The following CTNNA2 variants were observed in gnomAD, a reference collection of about 807,000 sequenced individuals.
CTNNA2 encodes the protein catenin alpha 2, also known as catenin alpha-2.
A neutral mutation model predicts 101.0 loss-of-function variants in CTNNA2; 42 were observed. That is an observed-to-expected ratio of 0.42 (90% confidence interval 0.32 to 0.54). The LOEUF (loss-of-function observed/expected upper bound fraction) is 0.54, where lower values mean the gene tolerates loss of function less well. Among genes scored for constraint, CTNNA2 ranks in the 20% least tolerant of loss-of-function variants. The pLI, the probability that CTNNA2 is intolerant of heterozygous loss-of-function variation, is 0.14. For missense variants in CTNNA2, 871 were observed against 1,223.1 expected, an observed-to-expected ratio of 0.71 and a Z score of 4.29; for synonymous variants, 450 against 456.4, an observed-to-expected ratio of 0.99 and a Z score of 0.18.
intron 4 of CTNNA2, among the ~76,000 whole-genome samples, chr2:79,399,074 C>T (rs1230139428): frequency 6.6e-6 from 1 of 152,102 alleles, no homozygotes; most frequent in Non-Finnish European, 1.5e-5. Flanking sequence ...TTTATGACAG[C>T]TCACTGTCTT....
At chr2:79,744,305 G>T in intron 2 of CTNNA2, 82 bp from the exon 3 acceptor site, 1 of 1,322,742 alleles carries the variant, frequency 7.6e-7, no homozygotes, top group Non-Finnish European at 1.0e-6. Flanking sequence ...TAATAAACAC[G>T]GAGATTTAGA....
intron 7 of CTNNA2, among the ~76,000 whole-genome samples, chr2:79,985,057 T>C (rs1361728913): frequency 6.6e-6 from 1 of 152,206 alleles, no homozygotes; most frequent in Non-Finnish European, 1.5e-5. Context: ...GTTTACCTTC[T>C]GGCTCTTAAC....
intron 15 of CTNNA2, among the ~76,000 whole-genome samples, chr2:80,596,272 C>G (rs1696946082): frequency 1.5e-5 from 1 of 66,632 alleles, no homozygotes; most frequent in African/African-American, 5.5e-5. Flanking sequence ...TGGGCTGAGA[C>G]AAGGTTGTTT....
At chr2:79,721,872 A>G (rs1204321900) in intron 2 of CTNNA2, among the ~76,000 whole-genome samples, 1 of 152,202 alleles carries the variant, frequency 6.6e-6, no homozygotes, top group Non-Finnish European at 1.5e-5. Flanking sequence ...AATGTTTTTG[A>G]AAATGTATTA....
chr2:79,776,163 T>C (rs1252235836), intron 3 of CTNNA2, among the ~76,000 whole-genome samples: 1 of 152,210 alleles, frequency 6.6e-6, no homozygotes, highest in Non-Finnish European at 1.5e-5. Context: ...AATTTTAAAA[T>C]GTGGAATCCT....
chr2:80,474,063 G>T (rs1193363048), intron 9 of CTNNA2, among the ~76,000 whole-genome samples: 1 of 152,174 alleles, frequency 6.6e-6, no homozygotes, highest in African/African-American at 2.4e-5. Context: ...ATTCACTCTT[G>T]CTTCCTGACG....
chr2:79,459,977 A>C (rs1670862537), intron 4 of CTNNA2, among the ~76,000 whole-genome samples: 1 of 152,100 alleles, frequency 6.6e-6, no homozygotes, highest in African/African-American at 2.4e-5. Flanking sequence ...TCATCTTCCC[A>C]GGGTGGGGAC....
intron 7 of CTNNA2, among the ~76,000 whole-genome samples, chr2:80,318,171 A>C (rs1038960312): frequency 6.6e-6 from 1 of 152,194 alleles, no homozygotes; most frequent in Non-Finnish European, 1.5e-5. Context: ...TTTAGATAAT[A>C]GTCTTTTCTT....
chr2:79,682,242 A>T (rs139939518), intron 2 of CTNNA2, among the ~76,000 whole-genome samples: 1 of 151,648 alleles, frequency 6.6e-6, no homozygotes, highest in South Asian at 2.1e-4. Context: ...CCCCGTCTCT[A>T]CTAAAAATAC....
At chr2:79,221,043 A>G (rs1674338461) in intron 2 of CTNNA2, among the ~76,000 whole-genome samples, 1 of 152,242 alleles carries the variant, frequency 6.6e-6, no homozygotes, top group Non-Finnish European at 1.5e-5. Context: ...CAAAAACATT[A>G]TCTTATAAAA....
chr2:80,536,913 A>T (rs988526514), intron 9 of CTNNA2, among the ~76,000 whole-genome samples: 1 of 152,170 alleles, frequency 6.6e-6, no homozygotes. Context: ...TTAAATGGTC[A>T]CTATACATTT....
At chr2:80,025,010 C>T (rs1441437675) in intron 7 of CTNNA2, among the ~76,000 whole-genome samples, 2 of 152,106 alleles carry the variant, frequency 1.3e-5, no homozygotes, top group African/African-American at 4.8e-5. Flanking sequence ...ATCTTCCCCT[C>T]GAGTTCGACC....
intron 4 of CTNNA2, among the ~76,000 whole-genome samples, chr2:79,488,128 G>C (rs562087487): frequency 6.6e-6 from 1 of 152,068 alleles, no homozygotes; most frequent in East Asian, 1.9e-4. Flanking sequence ...AGACCAGCCT[G>C]ATCAACATGG....
chr2:79,361,453 G>A (rs558741780), intron 3 of CTNNA2, among the ~76,000 whole-genome samples: 12 of 152,184 alleles, frequency 7.9e-5, no homozygotes, highest in African/African-American at 2.4e-4. Context: ...GATCTCTTTC[G>A]TCATCTTTCT....
intron 1 of CTNNA2, among the ~76,000 whole-genome samples, chr2:79,553,300 T>C (rs1674229514): frequency 6.6e-6 from 1 of 152,280 alleles, no homozygotes. Context: ...TCAACAAGTC[T>C]CTAGGACGTT....
intron 7 of CTNNA2, among the ~76,000 whole-genome samples, chr2:80,239,761 A>C (rs1709743364): frequency 6.6e-6 from 1 of 151,932 alleles, no homozygotes; most frequent in African/African-American, 2.4e-5. Context: ...AAAATACAAA[A>C]ATTAGCCAGG....
intron 15 of CTNNA2, among the ~76,000 whole-genome samples, chr2:80,598,408 A>G (rs1249516988): frequency 6.6e-6 from 1 of 152,148 alleles, no homozygotes; most frequent in Non-Finnish European, 1.5e-5. Flanking sequence ...ACCATGCCAC[A>G]TATAAAGCTA....
intron 7 of CTNNA2, among the ~76,000 whole-genome samples, chr2:80,262,209 C>A (rs1672662078): frequency 6.6e-6 from 1 of 152,060 alleles, no homozygotes; most frequent in Non-Finnish European, 1.5e-5. Context: ...GATTCTACAT[C>A]TATATAGCTG....
At chr2:80,293,017 G>A (rs1351080322) in intron 7 of CTNNA2, among the ~76,000 whole-genome samples, 2 of 152,104 alleles carry the variant, frequency 1.3e-5, no homozygotes, top group East Asian at 3.8e-4. Flanking sequence ...ATTCTGAAAA[G>A]TCCCATTATT....
Sources: allele counts gnomAD v4.1 joint callset (sites outside exome capture counted in the v4.1 genomes callset), GRCh38; gene constraint gnomAD v4.1.1; transcripts MANE v1.5; gene names NCBI Gene and HGNC (gene_info 2026-07-23, HGNC 2026-07-21).